Variants in FXYD4 observed in about 807,000 individuals in gnomAD.
FXYD4 encodes FXYD domain containing ion transport regulator 4, also known as FXYD domain-containing ion transport regulator 4.
Under a neutral mutation model 18.3 loss-of-function variants are expected in FXYD4, and 14 were observed. That is an observed-to-expected ratio of 0.77 (90% CI 0.51 to 1.20). The LOEUF is 1.20. Ranked by LOEUF, FXYD4 falls within the 50% of genes most tolerant of loss-of-function variation. FXYD4 has a pLI of 0.00. For synonymous variants in FXYD4, 40 were observed against 40.5 expected (o/e 0.99, Z 0.04); for missense variants, 99 against 106.1 (o/e 0.93, Z 0.29).
At chr10:43,376,117 G>A (rs369532179) in intron 8 of FXYD4, 30 bp from the exon 9 acceptor site, 18 of 1,613,824 alleles carry the variant, frequency 1.1e-5, no homozygotes, top group African/African-American at 4.0e-5. Flanking sequence ...TAAGGACTGT[G>A]TCTGATGGCC....
At chr10:43,375,398 T>C (rs1837857449) in intron 5 of FXYD4, 101 bp from the exon 6 acceptor site, 1 of 849,328 alleles carries the variant, frequency 1.2e-6, no homozygotes, top group African/African-American at 1.7e-5. Flanking sequence ...TGTCTTTATG[T>C]ATATGGCAGC....
intron 3 of FXYD4, 77 bp from the exon 4 acceptor site, chr10:43,374,393 C>T (rs1837843115): frequency 2.1e-6 from 3 of 1,414,298 alleles, no homozygotes; most frequent in East Asian, 2.3e-5. Context: ...AACCTCCGGG[C>T]TGGGGTCCTG....
At chr10:43,373,357 C>G (rs549328845) in intron 2 of FXYD4, 158 bp from the exon 3 acceptor site, 4 of 188,240 alleles carry the variant, frequency 2.1e-5, no homozygotes, top group Non-Finnish European at 4.4e-5. Context: ...TTTTTTTCTT[C>G]TCTGAAATAG....
In FXYD4 at chr10:43,375,696, T is replaced by C; in HGVS notation, c.174T>C (p.Ser58=). Residue 58 remains serine (S), a splice_region_variant and synonymous_variant, in exon 7 of 9, where the codon AGT becomes AGC. Transcript: ENST00000476166. The part of the protein sequence containing the change: ...LAIAGIAAVL[S]GKCKCKSSQK... ...CGCTGACCCCTCTCTCTCTCCCAGG[T>C]GGCAAATGCAAATGCAAGAGCAGCC... 6.2e-7 allele frequency: 1 copy of C among 1,614,102 alleles called. No homozygotes were observed. The highest frequency in any genetic ancestry group is 8.5e-7 in the Non-Finnish European group (1 of 1,180,008).
rs961055507 is a variant in FXYD4 at position 43,371,680 on chromosome 10, G to C, written c.-296G>C. 1.3e-5 allele frequency: 2 copies of C among 152,060 alleles called. No individual in the cohort carries two copies. Among genetic ancestry groups the C allele is most frequent in the Non-Finnish European group, 2.9e-5 (2 of 68,044 alleles). The allele number at this position is 152,060 out of a possible 1,614,324, so 9.4% of individuals were successfully genotyped here. On this transcript the variant is annotated 5_prime_UTR_variant, in exon 1 of 9. Coordinates refer to ENST00000476166, the MANE Select transcript of FXYD4 (RefSeq NM_173160.3). ...GCGCTGCCAGCTCAGGTGAGCCCTC[G>C]CCAAGGTGACCTCGCAGGTGAGCAG...
Position 43,373,647 on chromosome 10 carries a change from C to G in FXYD4, c.-100C>G. On this transcript the variant is annotated 5_prime_UTR_variant, in exon 3 of 9. Transcript: ENST00000476166. ...CTGCCTGCCCCCGCCCCTGCCTCCT[C>G]TCGCTGACCAATTGAGCTGTGAGCC... 1.0e-5 allele frequency: 8 copies of G among 784,386 alleles called. No homozygotes were observed. In the Admixed American group the frequency reaches 1.4e-4, roughly 13 times the overall value. 48.6% of individuals were successfully genotyped at this position (784,386 alleles called of 1,614,324 possible).
rs575811152 is a variant in FXYD4, at chr10:43,375,826, G to A, written c.212+92G>A. On this transcript the variant is annotated intron_variant, in intron 7 of 8. Coordinates refer to ENST00000476166, the MANE Select transcript of FXYD4 (RefSeq NM_173160.3). ...AGAGTGGACAGCATCCTGGCCACTC[G>A]CTGGGCTTGCAGCTGGCTTTGTTAT... 440 of 1,384,306 alleles carry A rather than the reference G, an allele frequency of 3.2e-4. 5 individuals are homozygous for A. Among genetic ancestry groups the A allele is most frequent in the South Asian group, 2.7e-3 (234 of 86,436 alleles). The allele number at this position is 1,384,306 out of a possible 1,614,324, so 85.8% of individuals were successfully genotyped here.
Position 43,374,560 on chromosome 10 carries a change from A to T in FXYD4, c.71-53A>T, listed in dbSNP as rs1837845342. 3 of 1,612,004 alleles carry T rather than the reference A, an allele frequency of 1.9e-6. No individual in the cohort carries two copies. The East Asian group carries it at 6.7e-5, about 36-fold the overall frequency. ...TGCCCACATCTCCCCTCTGACACCC[A>T]CATCCTGTCTCCTGGTTCTGGTTCT... On this transcript the variant is annotated intron_variant, in intron 4 of 8. Transcript: ENST00000476166.
chr10:43,375,911 A>C (rs1837865890), intron 7 of FXYD4, 121 bp from the exon 8 acceptor site: 10 of 1,247,052 alleles, frequency 8.0e-6, no homozygotes, highest in Non-Finnish European at 1.2e-5. Flanking sequence ...TATTGTGGGA[A>C]GTGACCATGG....
intron 7 of FXYD4, 128 bp downstream of exon 7, chr10:43,375,862 A>G: frequency 8.2e-7 from 1 of 1,225,002 alleles, no homozygotes; most frequent in Non-Finnish European, 1.2e-6. Flanking sequence ...TCAGATAGTC[A>G]ACCCTGAAGG....
Position 43,373,572 on chromosome 10 carries a change from A to T in FXYD4, c.-175A>T. 1 of 629,274 alleles carries T rather than the reference A, an allele frequency of 1.6e-6. No homozygotes were observed. The highest frequency in any genetic ancestry group is 2.9e-6 in the Non-Finnish European group (1 of 348,888). 39.0% of individuals were successfully genotyped at this position (629,274 alleles called of 1,614,324 possible). A position where few individuals can be genotyped will look rare whatever the true frequency, so the allele number is the denominator to read the frequency against. ...GTAGTTACTTTCCCAAGATCTCCCC[A>T]CAAGCAAGTGTATCCTTGGGGTTTG... On this transcript the variant is annotated 5_prime_UTR_variant, in exon 3 of 9. Transcript: ENST00000476166.
Position 43,376,273 on chromosome 10 carries a change from C to CT in FXYD4, c.*108dup, listed in dbSNP as rs1302013735. The CT allele has an allele frequency of 2.5e-6, 3 of 1,194,362 alleles. No homozygotes were observed. The highest frequency in any genetic ancestry group is 1.8e-5 in the Admixed American group (1 of 55,488). 74.0% of individuals were successfully genotyped at this position (1,194,362 alleles called of 1,614,324 possible). A position where few individuals can be genotyped will look rare whatever the true frequency, so the allele number is the denominator to read the frequency against. ...GGAAGGACTTCTCTCCAAGGGCAGG[C>CT]TGTTAGGCCCCTTTCTGATCAGGAG... is the stretch of plus-strand genomic sequence containing the variant. On this transcript the variant is annotated 3_prime_UTR_variant, in exon 9 of 9. Transcript: ENST00000476166.
intron 5 of FXYD4, 57 bp downstream of exon 5, chr10:43,374,696 T>A: frequency 7.1e-7 from 1 of 1,416,164 alleles, no homozygotes; most frequent in Non-Finnish European, 1.0e-6. Flanking sequence ...ACCTCTTTGC[T>A]AGACAAGTTG....
chr10:43,375,741 C>T lies in FXYD4; in HGVS notation c.212+7C>T. On this transcript the variant is annotated splice_region_variant and intron_variant, in intron 7 of 8. Transcript: ENST00000476166. Reference sequence around the variant, plus strand: ...GCAGCCAGAAGCAGCACAGGTGAGCCTGACCCTATGGTGCCCTCCTCCTTC... The same window carrying T: ...GCAGCCAGAAGCAGCACAGGTGAGCTTGACCCTATGGTGCCCTCCTCCTTC... 1 of 1,613,950 alleles carries T rather than the reference C, an allele frequency of 6.2e-7. No individual in the cohort carries two copies. The highest frequency in any genetic ancestry group is 8.5e-7 in the Non-Finnish European group (1 of 1,179,804).
At chr10:43,374,193 G>A (rs140160133) in intron 3 of FXYD4, among the ~76,000 whole-genome samples, 17 of 152,022 alleles carry the variant, frequency 1.1e-4, no homozygotes, top group Non-Finnish European at 2.2e-4. Context: ...GAGAGGTTCC[G>A]ACTCATAAAA....
intron 8 of FXYD4, 29 bp downstream of exon 8, chr10:43,376,098 G>T (rs775871004): frequency 3.0e-5 from 49 of 1,614,052 alleles, no homozygotes; most frequent in Non-Finnish European, 4.1e-5. Context: ...GGCTGAGGGG[G>T]TGTCTGTGTA....
Position 43,374,521 on chromosome 10 carries a change from C to G in FXYD4, c.70+19C>G. On this transcript the variant is annotated intron_variant, in intron 4 of 8. Transcript: ENST00000476166. ...CCATTTGGTGAGTGAGGCCCCCAAA[C>G]AGCCTGCCCACTCTGCCCACATCTC... is the stretch of plus-strand genomic sequence containing the variant. 1.2e-6 allele frequency: 2 copies of G among 1,613,830 alleles called. No individual in the cohort carries two copies. The highest frequency in any genetic ancestry group is 1.6e-4 in the Middle Eastern group (1 of 6,062).
intron 5 of FXYD4, 113 bp from the exon 6 acceptor site, chr10:43,375,386 C>T: frequency 1.3e-6 from 1 of 773,860 alleles, no homozygotes; most frequent in Non-Finnish European, 2.2e-6. Flanking sequence ...CTGTTGCTGG[C>T]TTGTCTTTAT....
At chr10:43,375,785 G>C (rs1272043816) in intron 7 of FXYD4, 51 bp downstream of exon 7, 1 of 1,572,890 alleles carries the variant, frequency 6.4e-7, no homozygotes, top group African/African-American at 1.3e-5. Flanking sequence ...ACTACGGGGG[G>C]ACAGTCCTGA....
Sources: gnomAD v4.1 joint callset for allele counts (sites outside exome capture counted in the v4.1 genomes callset) on GRCh38, gnomAD v4.1.1 for gene constraint, MANE v1.5 for transcripts, NCBI Gene and HGNC (gene_info 2026-07-23, HGNC 2026-07-21) for gene names.